The following YEATS2 variants were observed in gnomAD, a reference collection of about 807,000 sequenced individuals.
YEATS2 encodes YEATS domain containing 2, also known as YEATS domain-containing protein 2.
Under a neutral mutation model 163.2 loss-of-function variants are expected in YEATS2, and 77 were observed. The observed-to-expected ratio is 0.47, with a 90% CI of 0.39 to 0.57. The LOEUF (loss-of-function observed/expected upper bound fraction) is 0.57. Among genes scored for constraint, YEATS2 ranks in the 20% least tolerant of loss-of-function variants. The probability of loss-of-function intolerance (pLI) is 0.00; values close to 1 mark genes in which losing one functional copy is unlikely to be tolerated. For synonymous variants in YEATS2, 631 were observed against 645.1 expected (o/e 0.98, Z 0.33); for missense variants, 1,549 against 1,729.8 (o/e 0.90, Z 1.85).
chr3:183,710,358 T>C (rs949411478), intron 1 of YEATS2, among the ~76,000 whole-genome samples: 1 of 152,240 alleles, frequency 6.6e-6, no homozygotes, highest in Non-Finnish European at 1.5e-5. Flanking sequence ...CATGAGAGCA[T>C]GCCTCAGCAG....
chr3:183,772,273 A>G, intron 15 of YEATS2, 32 bp from the exon 16 acceptor site: 1 of 1,609,210 alleles, frequency 6.2e-7, no homozygotes, highest in South Asian at 1.1e-5. Flanking sequence ...GAGCTCTCGA[A>G]GCACCGTTGG....
At chr3:183,715,470 G>A (rs1001486640) in intron 2 of YEATS2, among the ~76,000 whole-genome samples, 1 of 152,170 alleles carries the variant, frequency 6.6e-6, no homozygotes, top group Admixed American at 6.5e-5. Flanking sequence ...TGATCAAGCA[G>A]ACAGTGAAAG....
intron 1 of YEATS2, among the ~76,000 whole-genome samples, chr3:183,708,221 G>A (rs915972396): frequency 6.7e-6 from 1 of 148,832 alleles, no homozygotes; most frequent in Non-Finnish European, 1.5e-5. Context: ...GAGTGCAGTG[G>A]CACGATCTCG....
intron 11 of YEATS2, among the ~76,000 whole-genome samples, chr3:183,755,829 C>A (rs112220720): frequency 6.9e-6 from 1 of 145,264 alleles, no homozygotes; most frequent in African/African-American, 2.6e-5. Context: ...TCTCGGCTCA[C>A]TCCGCCACCC....
chr3:183,784,795 C>T (rs867004130), intron 19 of YEATS2, among the ~76,000 whole-genome samples: 8 of 149,190 alleles, frequency 5.4e-5, no homozygotes, highest in East Asian at 2.0e-4. Flanking sequence ...AAAAAAAAGC[C>T]GGGTGTGGTG....
intron 26 of YEATS2, 144 bp from the exon 27 acceptor site, chr3:183,803,843 G>T: frequency 1.3e-6 from 1 of 782,978 alleles, no homozygotes; most frequent in Admixed American, 2.9e-5. Context: ...TTTTTTAATG[G>T]GGAGTAACAC....
chr3:183,730,052 GTTTTTTTTTTTTTTTTTTTT>G (rs869091775), intron 7 of YEATS2, among the ~76,000 whole-genome samples: 5 of 41,718 alleles, frequency 1.2e-4, no homozygotes, highest in African/African-American at 1.6e-4. Context: ...TTTTTTGTTT[GTTTTTTTTTTTTTTTTTTTT>G]TTTTTTTTTT....
intron 20 of YEATS2, among the ~76,000 whole-genome samples, chr3:183,789,236 T>C (rs1383335849): frequency 6.6e-6 from 1 of 152,170 alleles, no homozygotes; most frequent in Non-Finnish European, 1.5e-5. Context: ...AATGTTTTCT[T>C]GTAGTAGTTT....
At position 183,810,633 on chromosome 3, in the gene YEATS2, G is replaced by A. The variant is rs768639927; in HGVS notation, c.*50G>A. The A allele has an allele frequency of 3.2e-6, 5 of 1,540,282 alleles. No individual in the cohort carries two copies. Among genetic ancestry groups the A allele is most frequent in the Non-Finnish European group, 4.5e-6 (5 of 1,116,452 alleles). ...CAGGCTTTGAAGGCACAGCGAAGCT[G>A]TAACTGAGGACCCTGCTGCTCGGGA... On this transcript the variant is annotated 3_prime_UTR_variant, in exon 31 of 31. Coordinates refer to ENST00000305135, the MANE Select transcript of YEATS2 (RefSeq NM_018023.5).
At chr3:183,702,464 C>G (rs972408983) in intron 1 of YEATS2, among the ~76,000 whole-genome samples, 1 of 151,278 alleles carries the variant, frequency 6.6e-6, no homozygotes, top group Non-Finnish European at 1.5e-5. Flanking sequence ...AAAAAATTAC[C>G]TTAAAAATCT....
chr3:183,809,035 T>C, intron 29 of YEATS2, 62 bp from the exon 30 acceptor site: 2 of 1,563,806 alleles, frequency 1.3e-6, no homozygotes, highest in East Asian at 2.2e-5. Context: ...TGGGGTTAAA[T>C]GTGTCCCTTC....
chr3:183,727,384 T>C (rs1717227426), intron 6 of YEATS2, among the ~76,000 whole-genome samples: 1 of 152,186 alleles, frequency 6.6e-6, no homozygotes, highest in Non-Finnish European at 1.5e-5. Flanking sequence ...TCTTGTGGCC[T>C]AGTGGGTCTG....
chr3:183,737,273 G>C (rs1317435614), intron 8 of YEATS2, among the ~76,000 whole-genome samples: 1 of 152,194 alleles, frequency 6.6e-6, no homozygotes, highest in Non-Finnish European at 1.5e-5. Context: ...GCAGATCTGT[G>C]CAGTTCAAAC....
At chr3:183,801,399 T>C (rs947251384) in intron 24 of YEATS2, 56 bp from the exon 25 acceptor site, 34 of 1,312,166 alleles carry the variant, frequency 2.6e-5, no homozygotes, top group Non-Finnish European at 5.4e-6. Flanking sequence ...TATATGGCTA[T>C]AGAAACTGCT....
intron 4 of YEATS2, among the ~76,000 whole-genome samples, chr3:183,720,382 C>G (rs1017721086): frequency 1.6e-4 from 25 of 151,862 alleles, no homozygotes; most frequent in African/African-American, 5.8e-4. Context: ...TCGTTTTTTT[C>G]TCTTTTTACT....
intron 6 of YEATS2, among the ~76,000 whole-genome samples, chr3:183,724,955 C>G (rs1051859391): frequency 6.6e-6 from 1 of 150,462 alleles, no homozygotes; most frequent in African/African-American, 2.4e-5. Context: ...GTTGGTCAGG[C>G]TGGTCTTGAA....
intron 15 of YEATS2, among the ~76,000 whole-genome samples, chr3:183,766,526 AT>A (rs1283092061): frequency 6.6e-6 from 1 of 152,240 alleles, no homozygotes; most frequent in Non-Finnish European, 1.5e-5. Flanking sequence ...TAATCAAAGC[AT>A]GAATCGAAGT....
intron 15 of YEATS2, 137 bp from the exon 16 acceptor site, chr3:183,772,168 G>A: frequency 1.7e-6 from 2 of 1,161,072 alleles, no homozygotes; most frequent in African/African-American, 1.5e-5. Context: ...GTTCACACCT[G>A]TGTAGGTAGC....
intron 2 of YEATS2, 32 bp from the exon 3 acceptor site, chr3:183,717,619 G>A (rs1316464694): frequency 6.9e-7 from 1 of 1,442,972 alleles, no homozygotes. Flanking sequence ...TGATTAATTA[G>A]GCCTTGGATG....
Sources: allele counts gnomAD v4.1 joint callset (sites outside exome capture counted in the v4.1 genomes callset), GRCh38; gene constraint gnomAD v4.1.1; transcripts MANE v1.5; gene names NCBI Gene and HGNC (gene_info 2026-07-23, HGNC 2026-07-21).